PRIM2: variants seen among roughly 807,000 people sequenced by gnomAD.
PRIM2 encodes the protein DNA primase large subunit.
In PRIM2, 39 loss-of-function variants were observed where a neutral mutation model predicts 67.3. The observed-to-expected ratio is 0.58, with a 90% CI of 0.45 to 0.76. The LOEUF (loss-of-function observed/expected upper bound fraction) is 0.76, where lower values mean the gene tolerates loss of function less well. Ranked by LOEUF, PRIM2 falls within the 30% of genes least tolerant of loss-of-function variation. PRIM2 has a pLI of 0.00. For missense variants in PRIM2, 398 were observed against 598.7 expected, an observed-to-expected ratio of 0.66 and a Z score of 3.50; for synonymous variants, 143 against 198.7, an observed-to-expected ratio of 0.72 and a Z score of 2.36.
chr6:57,492,417 C>T (rs1406153567), intron 7 of PRIM2, among the ~76,000 whole-genome samples: 22 of 151,830 alleles, frequency 1.4e-4, no homozygotes, highest in Non-Finnish European at 2.8e-4. Context: ...GTGGTGGGTA[C>T]CTGTAATCCC....
At chr6:57,507,580 A>G (rs1774276214) in intron 8 of PRIM2, 126 bp downstream of exon 8, 5 of 1,141,256 alleles carry the variant, frequency 4.4e-6, no homozygotes, top group South Asian at 2.0e-5. Flanking sequence ...CTTTCATTCC[A>G]TTATTCAAAT....
intron 5 of PRIM2, among the ~76,000 whole-genome samples, chr6:57,367,939 C>A (rs62417966): frequency 5.9e-5 from 9 of 152,194 alleles, no homozygotes; most frequent in Non-Finnish European, 1.0e-4. Context: ...TAGCTCTCAA[C>A]GGAGGATGTG....
At chr6:57,479,768 G>A (rs1581943780) in intron 7 of PRIM2, among the ~76,000 whole-genome samples, 1 of 152,166 alleles carries the variant, frequency 6.6e-6, no homozygotes, top group Non-Finnish European at 1.5e-5. Context: ...GTGGTTTTTT[G>A]GTTGTTGTTG....
intron 10 of PRIM2, among the ~76,000 whole-genome samples, chr6:57,557,131 C>T (rs1775528393): frequency 7.5e-6 from 1 of 133,022 alleles, no homozygotes; most frequent in African/African-American, 2.9e-5. Context: ...ATAATAGATG[C>T]TGGTGAGGTT....
chr6:57,634,162 T>C (rs1777080362), intron 13 of PRIM2, among the ~76,000 whole-genome samples: 1 of 152,200 alleles, frequency 6.6e-6, no homozygotes, highest in Non-Finnish European at 1.5e-5. Flanking sequence ...TACTGTCCTA[T>C]GATATTTGGT....
intron 13 of PRIM2, among the ~76,000 whole-genome samples, chr6:57,643,276 C>T (rs1489898986): frequency 3.9e-5 from 6 of 152,250 alleles, no homozygotes; most frequent in African/African-American, 1.2e-4. Flanking sequence ...CTATGTTTTT[C>T]TAATCTTTGT....
intron 10 of PRIM2, among the ~76,000 whole-genome samples, chr6:57,585,992 C>T (rs1480071496): frequency 3.2e-4 from 48 of 152,218 alleles, no homozygotes; most frequent in South Asian, 4.1e-4. Context: ...TCTAAGTCAC[C>T]ACCTGAGTAA....
the PRIM2 span, among the ~76,000 whole-genome samples, chr6:57,277,601 T>C: frequency 3.4e-4 from 51 of 152,054 alleles, no homozygotes; most frequent in East Asian, 8.9e-3. Context: ...GTAGGGAGTG[T>C]TGGAGCCTGC....
the PRIM2 span, among the ~76,000 whole-genome samples, chr6:57,276,938 G>A: frequency 8.4e-3 from 1,261 of 150,248 alleles, 23 homozygotes; most frequent in African/African-American, 0.029. Context: ...TTTTTTTTGC[G>A]TGTCTCAAAT....
At chr6:57,497,967 T>C (rs1401669967) in intron 7 of PRIM2, among the ~76,000 whole-genome samples, 4 of 152,208 alleles carry the variant, frequency 2.6e-5, no homozygotes, top group Non-Finnish European at 5.9e-5. Context: ...TGGGATCTGT[T>C]GCTATTATAA....
intron 3 of PRIM2, among the ~76,000 whole-genome samples, chr6:57,323,139 G>A (rs1213236073): frequency 1.3e-5 from 2 of 151,392 alleles, no homozygotes; most frequent in Non-Finnish European, 2.9e-5. Context: ...TTAGGGCACC[G>A]CCTGGTACCT....
intron 7 of PRIM2, among the ~76,000 whole-genome samples, chr6:57,439,573 G>A (rs1772134892): frequency 6.6e-6 from 1 of 151,332 alleles, no homozygotes; most frequent in Admixed American, 6.6e-5. Context: ...CCGCCACCAC[G>A]CCCAGCTACT....
intron 7 of PRIM2, among the ~76,000 whole-genome samples, chr6:57,431,717 C>T (rs1227538294): frequency 2.0e-5 from 3 of 152,096 alleles, no homozygotes; most frequent in African/African-American, 7.2e-5. Context: ...GATTGTAAGT[C>T]ATCATGCACC....
chr6:57,632,487 A>G (rs1361475418), intron 13 of PRIM2, among the ~76,000 whole-genome samples: 4 of 152,344 alleles, frequency 2.6e-5, no homozygotes, highest in Non-Finnish European at 5.9e-5. Flanking sequence ...AAGGGTCAAT[A>G]AAGTTTTTCT....
chr6:57,370,102 A>G (rs891631984), intron 5 of PRIM2, among the ~76,000 whole-genome samples: 3 of 152,202 alleles, frequency 2.0e-5, no homozygotes, highest in African/African-American at 7.2e-5. Flanking sequence ...ACAGGTTTCT[A>G]TGATTTTGAA....
At chr6:57,586,686 G>A (rs1451700456) in intron 10 of PRIM2, among the ~76,000 whole-genome samples, 6 of 152,152 alleles carry the variant, frequency 3.9e-5, no homozygotes, top group East Asian at 1.9e-4. Context: ...CCAGGTGTGC[G>A]CACAGGAAAG....
intron 12 of PRIM2, among the ~76,000 whole-genome samples, chr6:57,618,223 C>A (rs1432074317): frequency 6.6e-6 from 1 of 152,130 alleles, no homozygotes; most frequent in Non-Finnish European, 1.5e-5. Context: ...ATCTGGAGCT[C>A]CTTGCAATTC....
At chr6:57,334,826 A>G (rs528123221) in intron 5 of PRIM2, among the ~76,000 whole-genome samples, 3 of 152,300 alleles carry the variant, frequency 2.0e-5, no homozygotes, top group South Asian at 4.1e-4. Context: ...TTCGGAGTCA[A>G]TTAGATTGAT....
chr6:57,326,167 A>T (rs1767847607), intron 5 of PRIM2, 122 bp downstream of exon 5: 2 of 1,036,894 alleles, frequency 1.9e-6, no homozygotes, highest in African/African-American at 3.2e-5. Flanking sequence ...TGCCTGAAAC[A>T]GTAGCTAATA....
Sources: gnomAD v4.1 joint callset for allele counts (sites outside exome capture counted in the v4.1 genomes callset) on GRCh38, gnomAD v4.1.1 for gene constraint, MANE v1.5 for transcripts, NCBI Gene and HGNC (gene_info 2026-07-23, HGNC 2026-07-21) for gene names.